Variants in LNX1 observed in about 807,000 individuals in gnomAD.
The protein encoded by LNX1 is E3 ubiquitin-protein ligase LNX.
Under a neutral mutation model 68.4 loss-of-function variants are expected in LNX1, and 54 were observed. That is an observed-to-expected ratio of 0.79 (90% CI 0.63 to 0.99). The LOEUF (loss-of-function observed/expected upper bound fraction) is 0.99, where lower values mean the gene tolerates loss of function less well. Ranked by LOEUF, LNX1 falls within the 50% of genes least tolerant of loss-of-function variation. The probability of loss-of-function intolerance (pLI) is 0.00; values close to 1 mark genes in which losing one functional copy is unlikely to be tolerated. For missense variants in LNX1, 906 were observed against 926.4 expected (o/e 0.98, Z 0.29); for synonymous variants, 336 against 350.0 (o/e 0.96, Z 0.45).
chr4:53,527,532 CACTGGTTCTGGAGGG>C (rs2109603513), intron 2 of LNX1, among the ~76,000 whole-genome samples: 2 of 152,288 alleles, frequency 1.3e-5, no homozygotes, highest in Admixed American at 1.3e-4. Context: ...TCCTTGGCTC[CACTGGTTCTGGAGGG>C]CAGGCTCCAG....
intron 1 of LNX1, among the ~76,000 whole-genome samples, chr4:53,575,041 G>A (rs1731399208): frequency 1.3e-5 from 2 of 151,882 alleles, no homozygotes; most frequent in Admixed American, 6.6e-5. Context: ...GAGTGCAGTG[G>A]CATGATCTCT....
intron 9 of LNX1, among the ~76,000 whole-genome samples, chr4:53,466,697 A>T (rs1264626821): frequency 6.6e-6 from 1 of 152,208 alleles, no homozygotes; most frequent in African/African-American, 2.4e-5. Context: ...TATATCCCGC[A>T]CCTGGCTCGG....
chr4:53,573,555 G>T lies in LNX1; in HGVS notation c.380+68C>A, dbSNP rs1046549395. On this transcript the variant is annotated intron_variant, in intron 2 of 10. Transcript: ENST00000263925. ...ATTGGTTGGAAGCCCTCAGGAGACT[G>T]GGGGGTGGAGGGGTCCAGCTGTCCC... 5 of 1,045,424 alleles carry T rather than the reference G, an allele frequency of 4.8e-6. No individual in the cohort carries two copies. In the Admixed American group the frequency reaches 6.4e-5, roughly 13 times the overall value. 64.8% of individuals were successfully genotyped at this position (1,045,424 alleles called of 1,614,324 possible).
At chr4:53,461,715 G>T in intron 9 of LNX1, 122 bp from the exon 10 acceptor site, 1 of 649,170 alleles carries the variant, frequency 1.5e-6, no homozygotes, top group Non-Finnish European at 2.5e-6. Context: ...CACTGCATAG[G>T]TCCCACTCAA....
intron 2 of LNX1, among the ~76,000 whole-genome samples, chr4:53,600,352 A>G (rs1732946424): frequency 1.3e-5 from 2 of 152,334 alleles, no homozygotes; most frequent in South Asian, 4.2e-4. Context: ...GGCAAAAGCC[A>G]GAGGAGAATT....
chr4:53,587,231 G>T (rs907509), intron 1 of LNX1, among the ~76,000 whole-genome samples: 112,619 of 152,174 alleles, frequency 0.74, 41,897 homozygotes, highest in African/African-American at 0.77. Flanking sequence ...ATGGAGGAAA[G>T]GGTAAACACA....
At chr4:53,494,218 G>C (rs1724898353) in intron 6 of LNX1, among the ~76,000 whole-genome samples, 1 of 152,172 alleles carries the variant, frequency 6.6e-6, no homozygotes, top group African/African-American at 2.4e-5. Context: ...AGATCCAATG[G>C]TTTTATAAAG....
rs373064720 is a variant in LNX1 at position 53,551,656 on chromosome 4, C to A, written c.380+21967G>T. Among the ~76,000 whole-genome samples the A allele has an allele frequency of 1.5e-4, 23 of 152,296 alleles. 1 individual carries two copies. In the East Asian group the frequency reaches 2.7e-3, roughly 18 times the overall value. On this transcript the variant is annotated intron_variant, in intron 2 of 10. Coordinates refer to ENST00000263925, the MANE Select transcript of LNX1 (RefSeq NM_001126328.3). The stretch of plus-strand genomic sequence containing the variant: ...TCAGGGGAGAAGAGATGCAACCCCC[C>A]TGGAAGCATGCCAACATATGAAACA...
chr4:53,560,878 T>C lies in LNX1; in HGVS notation c.380+12745A>G, dbSNP rs185969266. ...ACCTGCCATCTGATGTAATCCTAAT[T>C]AATACAATCCCTTGGGGCTAAAACC... On this transcript the variant is annotated intron_variant, in intron 2 of 10. Transcript: ENST00000263925. 3.2e-3 allele frequency among the ~76,000 whole-genome samples: 489 copies of C among 152,330 alleles called. 8 individuals are homozygous for C. The highest frequency in any genetic ancestry group is 1.6e-3 in the Non-Finnish European group (106 of 68,038).
At chr4:53,621,516 T>G (rs1360932255), upstream of LNX1, among the ~76,000 whole-genome samples, 1 of 152,186 alleles carries the variant, frequency 6.6e-6, no homozygotes, top group Non-Finnish European at 1.5e-5. Flanking sequence ...GATGGATGAA[T>G]GAGATGTGCC....
intron 5 of LNX1, among the ~76,000 whole-genome samples, chr4:53,497,002 G>A (rs1482840836): frequency 3.9e-5 from 6 of 152,142 alleles, no homozygotes; most frequent in Admixed American, 6.5e-5. Context: ...GTCTCAGGGT[G>A]GTCCCCTGCA....
intron 1 of LNX1, among the ~76,000 whole-genome samples, chr4:53,643,485 A>C (rs1443406117): frequency 1.3e-5 from 2 of 152,102 alleles, no homozygotes; most frequent in Non-Finnish European, 2.9e-5. Context: ...TCAGGTGTCA[A>C]GCAGAGTGGA....
intron 4 of LNX1, among the ~76,000 whole-genome samples, chr4:53,503,912 T>C (rs1725680984): frequency 6.6e-6 from 1 of 152,230 alleles, no homozygotes. Context: ...GGCAGGCGGA[T>C]GACCTGCGGT....
chr4:53,543,892 AAAAAAC>A (rs1178116163), intron 2 of LNX1, among the ~76,000 whole-genome samples: 1 of 148,472 alleles, frequency 6.7e-6, no homozygotes, highest in Non-Finnish European at 1.5e-5. Context: ...ATGGGGGATT[AAAAAAC>A]AAAAACAAAC....
intron 1 of LNX1, among the ~76,000 whole-genome samples, chr4:53,649,483 A>T (rs955599551): frequency 6.6e-6 from 1 of 152,206 alleles, no homozygotes; most frequent in African/African-American, 2.4e-5. Context: ...CTGGCTCCAG[A>T]GCTCTTGTCC....
chr4:53,535,826 G>A lies in LNX1; in HGVS notation c.381-27599C>T, dbSNP rs1437296586. ...TACTTCTCATTCATCTGTTGGCACA[G>A]TTCATGAGCATGTCGGGCTGGGACT... On this transcript the variant is annotated intron_variant, in intron 2 of 10. Coordinates refer to ENST00000263925, the MANE Select transcript of LNX1 (RefSeq NM_001126328.3). 3.3e-5 allele frequency among the ~76,000 whole-genome samples: 5 copies of A among 152,276 alleles called. No homozygotes were observed. In the East Asian group the frequency reaches 9.6e-4, roughly 29 times the overall value.
intron 2 of LNX1, among the ~76,000 whole-genome samples, chr4:53,519,018 C>T (rs1165032269): frequency 6.6e-6 from 1 of 152,184 alleles, no homozygotes; most frequent in African/African-American, 2.4e-5. Context: ...AGGCCTCTGT[C>T]CTGCTTTGTC....
chr4:53,521,989 G>C (rs947058683), intron 2 of LNX1, among the ~76,000 whole-genome samples: 2 of 151,674 alleles, frequency 1.3e-5, no homozygotes, highest in Non-Finnish European at 2.9e-5. Context: ...TTTTTTTGTA[G>C]AGACTATGTT....
At chr4:53,619,904 T>A (rs561250620), upstream of LNX1, among the ~76,000 whole-genome samples, 3 of 152,194 alleles carry the variant, frequency 2.0e-5, no homozygotes. Context: ...ATTATAACCA[T>A]CCCAGTGGGT....
Sources: gnomAD v4.1 joint callset for allele counts (sites outside exome capture counted in the v4.1 genomes callset) on GRCh38, gnomAD v4.1.1 for gene constraint, MANE v1.5 for transcripts, NCBI Gene and HGNC (gene_info 2026-07-23, HGNC 2026-07-21) for gene names.